Variants in HDGFL3 observed in about 807,000 individuals in gnomAD.
HDGFL3 encodes the protein hepatoma-derived growth factor-related protein 3.
HDGFL3 carries 6 observed loss-of-function variants against 27.6 expected under a neutral mutation model. The observed-to-expected ratio is 0.22, with a 90% CI of 0.12 to 0.43. The LOEUF (loss-of-function observed/expected upper bound fraction) is 0.43, where lower values mean the gene tolerates loss of function less well. HDGFL3 is among the 20% of genes least tolerant of loss of function. HDGFL3 has a pLI of 1.00. For missense variants in HDGFL3, 207 were observed against 250.1 expected (o/e 0.83, Z 1.16); for synonymous variants, 88 against 88.9 (o/e 0.99, Z 0.05).
intron 5 of HDGFL3, among the ~76,000 whole-genome samples, chr15:83,143,258 C>T (rs2036817621): frequency 1.3e-5 from 2 of 152,180 alleles, no homozygotes; most frequent in South Asian, 4.1e-4. Context: ...GTGACCCACC[C>T]ACCTTGGCCT....
chr15:83,152,314 G>T (rs899419473), intron 4 of HDGFL3, among the ~76,000 whole-genome samples: 3 of 152,226 alleles, frequency 2.0e-5, no homozygotes, highest in African/African-American at 7.2e-5. Flanking sequence ...CCAGCACTTT[G>T]GGAGGCTGAG....
chr15:83,124,773 T>C (rs767185858), downstream of HDGFL3: 15 of 1,611,866 alleles, frequency 9.3e-6, no homozygotes, highest in South Asian at 1.5e-4. Flanking sequence ...TGTTCAGAGG[T>C]TTGGTAAGCA....
chr15:83,185,162 T>C (rs2037427029), intron 1 of HDGFL3: 1 of 152,446 alleles, frequency 6.6e-6, no homozygotes, highest in Non-Finnish European at 1.5e-5. Flanking sequence ...TAGCTGGGAT[T>C]ACTGGCGCCC....
intron 1 of HDGFL3, among the ~76,000 whole-genome samples, chr15:83,185,287 G>C (rs1285018140): frequency 6.6e-6 from 1 of 152,190 alleles, no homozygotes; most frequent in Non-Finnish European, 1.5e-5. Context: ...GCCTCCCAAA[G>C]TGTGCCCGGC....
At chr15:83,126,243 C>A (rs995227557), downstream of HDGFL3, among the ~76,000 whole-genome samples, 15 of 152,174 alleles carry the variant, frequency 9.9e-5, no homozygotes, top group African/African-American at 3.6e-4. Flanking sequence ...TCAGAGGGGA[C>A]CTAGTAAAGT....
intron 1 of HDGFL3, among the ~76,000 whole-genome samples, chr15:83,194,509 C>CG (rs2037547417): frequency 6.6e-6 from 1 of 152,122 alleles, no homozygotes; most frequent in Non-Finnish European, 1.5e-5. Flanking sequence ...CTTAATATTA[C>CG]ATAAACTATA....
At chr15:83,155,493 T>C (rs2037016536) in intron 4 of HDGFL3, among the ~76,000 whole-genome samples, 1 of 152,208 alleles carries the variant, frequency 6.6e-6, no homozygotes. Flanking sequence ...GGTGTTTAAA[T>C]GAAGTCCAAA....
intron 1 of HDGFL3, among the ~76,000 whole-genome samples, chr15:83,200,457 G>A (rs962574945): frequency 6.6e-6 from 1 of 152,128 alleles, no homozygotes; most frequent in Non-Finnish European, 1.5e-5. Flanking sequence ...AAGCCACAAA[G>A]CAGCTGCTGA....
At position 83,138,613 on chromosome 15, in the gene HDGFL3, T is replaced by A. The variant is rs1002503555; in HGVS notation, c.*657A>T. Reference sequence around the variant, plus strand: ...GGAAAAAAATAAATCATTGCCTTTATTTTGGAGTAACACAAAAAGACTCAC... The same window carrying A: ...GGAAAAAAATAAATCATTGCCTTTAATTTGGAGTAACACAAAAAGACTCAC... On this transcript the variant is annotated 3_prime_UTR_variant, in exon 6 of 6. Transcript: ENST00000299633. 1.3e-5 allele frequency: 2 copies of A among 152,610 alleles called. No individual in the cohort carries two copies. Among genetic ancestry groups the A allele is most frequent in the African/African-American group, 4.8e-5 (2 of 41,462 alleles). The allele number at this position is 152,610 out of a possible 1,614,324, so 9.5% of individuals were successfully genotyped here.
intron 1 of HDGFL3, among the ~76,000 whole-genome samples, chr15:83,204,020 C>T (rs1171196002): frequency 6.9e-6 from 1 of 145,030 alleles, no homozygotes; most frequent in Non-Finnish European, 1.5e-5. Context: ...ATTAGGCATA[C>T]TAGATGAGAA....
chr15:83,204,506 A>G (rs1030655555), intron 1 of HDGFL3, among the ~76,000 whole-genome samples: 1 of 152,228 alleles, frequency 6.6e-6, no homozygotes, highest in Non-Finnish European at 1.5e-5. Context: ...AAGAGCAAGT[A>G]GAATGAAATT....
At chr15:83,113,179 C>G (rs2034352154) in exon 4 of HDGFL3, 1 of 500,428 alleles carries the variant, frequency 2.0e-6, no homozygotes, top group African/African-American at 1.9e-5. Flanking sequence ...TGACCTCTGA[C>G]CTCGACTCTC....
downstream of HDGFL3, chr15:83,122,886 TATTAA>T (rs1476727424): frequency 1.2e-6 from 2 of 1,613,714 alleles, no homozygotes; most frequent in Non-Finnish European, 1.7e-6. Flanking sequence ...AAGGTGATTT[TATTAA>T]GCTTTGATGT....
chr15:83,176,406 TGTG>T (rs1472097713), intron 1 of HDGFL3, among the ~76,000 whole-genome samples: 1 of 152,210 alleles, frequency 6.6e-6, no homozygotes, highest in Admixed American at 6.5e-5. Context: ...ATACTTAAAA[TGTG>T]GTGGCATTTT....
At chr15:83,123,105 G>A (rs1317536527), downstream of HDGFL3, among the ~76,000 whole-genome samples, 1 of 152,172 alleles carries the variant, frequency 6.6e-6, no homozygotes, top group African/African-American at 2.4e-5. Context: ...CATACTTTGG[G>A]GAGCTTCCTG....
chr15:83,198,974 G>A (rs2037604512), intron 1 of HDGFL3, among the ~76,000 whole-genome samples: 2 of 152,136 alleles, frequency 1.3e-5, no homozygotes. Flanking sequence ...CACGTACTGG[G>A]ATGGGAATTA....
chr15:83,161,961 G>A (rs913453883), intron 2 of HDGFL3, among the ~76,000 whole-genome samples: 16 of 152,080 alleles, frequency 1.1e-4, no homozygotes, highest in African/African-American at 3.6e-4. Context: ...AAGAACTTGA[G>A]GCTCCAGTCA....
intron 3 of HDGFL3, chr15:83,121,891 G>A (rs2035287996): frequency 1.3e-6 from 2 of 1,547,962 alleles, no homozygotes; most frequent in South Asian, 1.2e-5. Flanking sequence ...AACATACCAA[G>A]TCAAGATTTT....
intron 5 of HDGFL3, among the ~76,000 whole-genome samples, chr15:83,150,832 A>G (rs1315499681): frequency 1.3e-5 from 2 of 152,230 alleles, no homozygotes; most frequent in Non-Finnish European, 2.9e-5. Context: ...TGCTTCTGGG[A>G]AAGAAGCAGC....
Sources: allele counts gnomAD v4.1 joint callset (sites outside exome capture counted in the v4.1 genomes callset), GRCh38; gene constraint gnomAD v4.1.1; transcripts MANE v1.5; gene names NCBI Gene and HGNC (gene_info 2026-07-23, HGNC 2026-07-21).